CFDP1: variants seen among roughly 807,000 people sequenced by gnomAD.
The protein encoded by CFDP1 is heterochromatin-stabilizing protein CFDP1.
CFDP1 carries 31 observed loss-of-function variants against 40.1 expected under a neutral mutation model. That is an observed-to-expected ratio of 0.77 (90% CI 0.58 to 1.04). The LOEUF (loss-of-function observed/expected upper bound fraction) is 1.04. Among genes scored for constraint, CFDP1 ranks in the 50% least tolerant of loss-of-function variants. The pLI is 0.00. For missense variants in CFDP1, 423 were observed against 343.4 expected (o/e 1.23, Z -1.83); for synonymous variants, 167 against 120.0 (o/e 1.39, Z -2.56).
chr16:75,418,497 G>C (rs2550325), intron 1 of CFDP1, among the ~76,000 whole-genome samples: 28,525 of 151,360 alleles, frequency 0.19, 2,858 homozygotes, highest in Non-Finnish European at 0.22. Context: ...TTTTAGTAGA[G>C]ATGGGGTTTC....
chr16:75,432,132 G>A (rs1159255929), intron 1 of CFDP1, among the ~76,000 whole-genome samples: 1 of 150,928 alleles, frequency 6.6e-6, no homozygotes, highest in Non-Finnish European at 1.5e-5. Flanking sequence ...GGATGGTCTC[G>A]ATCTCCAGAC....
intron 5 of CFDP1, among the ~76,000 whole-genome samples, chr16:75,376,811 G>A (rs2078802313): frequency 6.6e-6 from 1 of 152,186 alleles, no homozygotes; most frequent in Admixed American, 6.5e-5. Flanking sequence ...CCATTGGTAT[G>A]ACAACACCTG....
chr16:75,420,317 C>T (rs2079263597), intron 1 of CFDP1, among the ~76,000 whole-genome samples: 1 of 152,122 alleles, frequency 6.6e-6, no homozygotes, highest in Non-Finnish European at 1.5e-5. Context: ...GCTATTCAAA[C>T]ATCAGATGTC....
chr16:75,423,018 C>T (rs535409795), intron 1 of CFDP1, among the ~76,000 whole-genome samples: 10 of 151,976 alleles, frequency 6.6e-5, no homozygotes, highest in Non-Finnish European at 1.0e-4. Flanking sequence ...CAGTGGCTCA[C>T]GCCTGTAATC....
At chr16:75,324,820 C>T (rs1219708819) in intron 5 of CFDP1, 2 of 149,826 alleles carry the variant, frequency 1.3e-5, no homozygotes, top group East Asian at 1.9e-4. Flanking sequence ...GTTCTTTTTT[C>T]GAGGCTAAGT....
chr16:75,374,143 C>T (rs1439912900), intron 5 of CFDP1, among the ~76,000 whole-genome samples: 1 of 151,942 alleles, frequency 6.6e-6, no homozygotes, highest in Non-Finnish European at 1.5e-5. Context: ...GTCCCAGCTA[C>T]TTGGGAGGCT....
chr16:75,359,295 C>G (rs1320700918), intron 5 of CFDP1, among the ~76,000 whole-genome samples: 1 of 151,986 alleles, frequency 6.6e-6, no homozygotes, highest in Non-Finnish European at 1.5e-5. Flanking sequence ...TAAAGAGGTC[C>G]TGAGAACAAA....
chr16:75,367,769 G>A lies in CFDP1; in HGVS notation c.650+27321C>T, dbSNP rs374005618. Among the ~76,000 whole-genome samples the A allele has an allele frequency of 6.2e-3, 920 of 147,622 alleles. 5 individuals are homozygous for A. Among genetic ancestry groups the A allele is most frequent in the South Asian group, 0.014 (63 of 4,484 alleles). ...GATCCTGCCATTGTACTCCAGCCTG[G>A]GCGACAGAGTGACACTCCATCTCAA... On this transcript the variant is annotated intron_variant, in intron 5 of 6. Coordinates refer to ENST00000283882, the MANE Select transcript of CFDP1 (RefSeq NM_006324.3).
intron 5 of CFDP1, among the ~76,000 whole-genome samples, chr16:75,356,917 T>C (rs943902471): frequency 3.4e-5 from 5 of 146,652 alleles, no homozygotes; most frequent in African/African-American, 1.0e-4. Context: ...CTTTCTTTTT[T>C]TTTTTTTTTT....
intron 5 of CFDP1, among the ~76,000 whole-genome samples, chr16:75,390,311 T>C (rs1427553494): frequency 1.3e-5 from 2 of 152,236 alleles, no homozygotes; most frequent in Admixed American, 1.3e-4. Context: ...AGCCCTCTTC[T>C]CAACTAAGGC....
At chr16:75,353,751 A>G (rs1215999828) in intron 5 of CFDP1, among the ~76,000 whole-genome samples, 3 of 26,972 alleles carry the variant, frequency 1.1e-4, no homozygotes, top group Non-Finnish European at 1.4e-4. Flanking sequence ...TCCGTCTCAA[A>G]AAAAAAAAAA....
At chr16:75,327,192 G>A (rs1436365788) in intron 5 of CFDP1, among the ~76,000 whole-genome samples, 5 of 152,166 alleles carry the variant, frequency 3.3e-5, no homozygotes, top group African/African-American at 9.7e-5. Flanking sequence ...GCGTGAACCC[G>A]GGAGGCAGAG....
intron 4 of CFDP1, among the ~76,000 whole-genome samples, chr16:75,398,530 C>T (rs59010236): frequency 0.031 from 4,720 of 152,046 alleles, 227 homozygotes; most frequent in African/African-American, 0.11. Context: ...CAGCTTCCAC[C>T]TGGCATGCTT....
At chr16:75,308,072 C>A (rs745367553) in intron 5 of CFDP1, among the ~76,000 whole-genome samples, 1 of 152,234 alleles carries the variant, frequency 6.6e-6, no homozygotes, top group East Asian at 1.9e-4. Flanking sequence ...CAAAAGCATA[C>A]GCATGAGGAC....
chr16:75,429,782 T>C (rs905206567), intron 1 of CFDP1, among the ~76,000 whole-genome samples: 1 of 152,186 alleles, frequency 6.6e-6, no homozygotes, highest in Non-Finnish European at 1.5e-5. Context: ...TGGGAGATGA[T>C]TTATACAATT....
At chr16:75,329,742 G>A (rs1039918150) in intron 5 of CFDP1, among the ~76,000 whole-genome samples, 1 of 152,204 alleles carries the variant, frequency 6.6e-6, no homozygotes, top group African/African-American at 2.4e-5. Flanking sequence ...TACCTGAAGA[G>A]AGTTGTATTT....
intron 4 of CFDP1, among the ~76,000 whole-genome samples, chr16:75,402,044 C>A (rs928570870): frequency 1.2e-4 from 19 of 152,178 alleles, no homozygotes; most frequent in African/African-American, 4.6e-4. Flanking sequence ...CTAGGAAACA[C>A]TGGTATATTT....
At chr16:75,406,644 T>G (rs900109926) in intron 4 of CFDP1, 1 of 151,920 alleles carries the variant, frequency 6.6e-6, no homozygotes, top group Admixed American at 6.6e-5. Context: ...TAGGTTGTGA[T>G]GAGCCGAGAT....
chr16:75,362,911 G>A (rs1461750903), intron 5 of CFDP1: 1 of 152,172 alleles, frequency 6.6e-6, no homozygotes, highest in African/African-American at 2.4e-5. Flanking sequence ...CTGAGGTTTT[G>A]TTATTATGGC....
Sources: allele counts gnomAD v4.1 joint callset (sites outside exome capture counted in the v4.1 genomes callset), GRCh38; gene constraint gnomAD v4.1.1; transcripts MANE v1.5; gene names NCBI Gene and HGNC (gene_info 2026-07-23, HGNC 2026-07-21).